Variants in BRINP3 observed in about 807,000 individuals in gnomAD.
The protein encoded by BRINP3 is BMP/retinoic acid-inducible neural-specific protein 3.
Under a neutral mutation model 71.0 loss-of-function variants are expected in BRINP3, and 19 were observed. The ratio of observed to expected loss-of-function variants is 0.27; its 90% CI spans 0.19 to 0.39. The LOEUF is 0.39. Ranked by LOEUF, BRINP3 falls within the 10% of genes least tolerant of loss-of-function variation. BRINP3 has a pLI of 1.00. For synonymous variants in BRINP3, 380 were observed against 337.7 expected (o/e 1.13, Z -1.37); for missense variants, 959 against 940.8 (o/e 1.02, Z -0.25).
chr1:190,358,652 C>G (rs1019303915), intron 2 of BRINP3, among the ~76,000 whole-genome samples: 3 of 152,054 alleles, frequency 2.0e-5, no homozygotes, highest in Admixed American at 1.3e-4. Flanking sequence ...CCCAGCCATC[C>G]CATTACTAGG....
rs367902400 is a variant in BRINP3, at chr1:190,226,184, G to A, written c.859C>T (p.Pro287Ser). 1 of 1,612,490 alleles carries A rather than the reference G, an allele frequency of 6.2e-7. No individual in the cohort carries two copies. The highest frequency in any genetic ancestry group is 1.3e-5 in the African/African-American group (1 of 74,770). ...TCCATGGAGGGGCAGTTGCATTCTG[G>A]AAATTTGGGACCACAGTGACACCAG... ...DCWCHCGPKF[P>S]ECNCPSMDIQ... The change falls in exon 6 of 8, where the codon CCA (proline) becomes TCA (serine). Residue 287 changes from proline to serine, a missense_variant. Pro to Ser is a moderately conservative substitution (Grantham distance 74). Transcript: ENST00000367462.
At position 190,098,249 on chromosome 1, in the gene BRINP3, G is replaced by A. The variant is rs752871206; in HGVS notation, c.2070C>T (p.Pro690=). The change falls in exon 8 of 8, where the codon CCC becomes CCT. Residue 690 remains proline, a synonymous_variant. Transcript: ENST00000367462. ...CTGAATCCTGGGATCCCTGAGTATA[G>A]GGGTAGTCCAGCTGCAAAATCAGGT... ...IRDLILQLDY[P]YTQGSQDSAL... is the part of the protein sequence containing the mutation. 27 of 1,614,204 alleles carry A rather than the reference G, an allele frequency of 1.7e-5. No homozygotes were observed. The highest frequency in any genetic ancestry group is 2.2e-5 in the Non-Finnish European group (26 of 1,180,034).
chr1:190,267,921 C>G (rs1275706377), intron 3 of BRINP3, among the ~76,000 whole-genome samples: 3 of 151,786 alleles, frequency 2.0e-5, no homozygotes, highest in Admixed American at 6.6e-5. Flanking sequence ...AAATGTAAAA[C>G]TTCTAAATCT....
chr1:190,118,374 T>G (rs1007406512), intron 7 of BRINP3, among the ~76,000 whole-genome samples: 5 of 152,174 alleles, frequency 3.3e-5, no homozygotes, highest in Non-Finnish European at 7.4e-5. Context: ...ACTTATTGAC[T>G]GGTGCTTATA....
At chr1:190,259,696 T>C (rs1395917759) in intron 4 of BRINP3, among the ~76,000 whole-genome samples, 3 of 151,338 alleles carry the variant, frequency 2.0e-5, no homozygotes, top group African/African-American at 7.3e-5. Context: ...GGACAAGAAG[T>C]ACAATTGTCT....
chr1:190,284,410 G>A (rs1178314452), intron 2 of BRINP3, among the ~76,000 whole-genome samples: 1 of 151,858 alleles, frequency 6.6e-6, no homozygotes, highest in African/African-American at 2.4e-5. Flanking sequence ...CTATGACCTC[G>A]AGGGCTCAAA....
chr1:190,305,444 A>T (rs928477657), intron 2 of BRINP3, among the ~76,000 whole-genome samples: 5 of 151,840 alleles, frequency 3.3e-5, no homozygotes, highest in Non-Finnish European at 5.9e-5. Flanking sequence ...TGTCATTTGC[A>T]ACAATATGAA....
chr1:190,376,527 C>G (rs1302521824), intron 2 of BRINP3, among the ~76,000 whole-genome samples: 1 of 151,960 alleles, frequency 6.6e-6, no homozygotes, highest in East Asian at 1.9e-4. Flanking sequence ...TTGTTTTATT[C>G]TCATAAAAAT....
At chr1:190,413,576 C>A (rs2102420689) in intron 2 of BRINP3, among the ~76,000 whole-genome samples, 1 of 152,206 alleles carries the variant, frequency 6.6e-6, no homozygotes, top group South Asian at 2.1e-4. Context: ...ATGTGGCCAC[C>A]ATCCATGTAA....
chr1:190,296,793 C>A (rs1200617902), intron 2 of BRINP3, among the ~76,000 whole-genome samples: 1 of 151,904 alleles, frequency 6.6e-6, no homozygotes, highest in Non-Finnish European at 1.5e-5. Context: ...AAGAAAACAA[C>A]CCCATTTGCG....
chr1:190,329,271 C>G (rs1031170740), intron 2 of BRINP3, among the ~76,000 whole-genome samples: 2 of 151,824 alleles, frequency 1.3e-5, no homozygotes, highest in Non-Finnish European at 2.9e-5. Flanking sequence ...AATTCTATAC[C>G]TAGAAAATCC....
At chr1:190,204,208 A>C (rs923904582) in intron 6 of BRINP3, among the ~76,000 whole-genome samples, 11 of 152,042 alleles carry the variant, frequency 7.2e-5, no homozygotes, top group African/African-American at 2.6e-4. Context: ...TAAAATAAAT[A>C]AGACCTGAGC....
chr1:190,464,034 A>G (rs889416621), intron 1 of BRINP3, among the ~76,000 whole-genome samples: 8 of 151,942 alleles, frequency 5.3e-5, no homozygotes, highest in Non-Finnish European at 1.0e-4. Flanking sequence ...GAAATAAACA[A>G]TAATATGTAA....
At chr1:190,302,369 A>G (rs1664799967) in intron 2 of BRINP3, among the ~76,000 whole-genome samples, 1 of 150,588 alleles carries the variant, frequency 6.6e-6, no homozygotes, top group Admixed American at 6.6e-5. Context: ...ATTTAAAAAG[A>G]TAATGTCTAT....
chr1:190,331,958 GGTT>G (rs764247091), intron 2 of BRINP3, among the ~76,000 whole-genome samples: 14 of 151,878 alleles, frequency 9.2e-5, no homozygotes, highest in South Asian at 6.2e-4. Flanking sequence ...TTCTTAATAT[GGTT>G]GTTATTATTA....
chr1:190,310,864 A>G (rs1216089387), intron 2 of BRINP3, among the ~76,000 whole-genome samples: 1 of 151,772 alleles, frequency 6.6e-6, no homozygotes, highest in Non-Finnish European at 1.5e-5. Context: ...AAATTAAATT[A>G]ATAGATTAGC....
chr1:190,230,289 G>A (rs888257901), intron 5 of BRINP3, among the ~76,000 whole-genome samples: 2 of 151,770 alleles, frequency 1.3e-5, no homozygotes, highest in Non-Finnish European at 2.9e-5. Context: ...GATGAGGAAC[G>A]TAAAAAATTG....
rs1260984720 is a variant in BRINP3 at position 190,283,852 on chromosome 1, T to C, written c.237-2102A>G. Among the ~76,000 whole-genome samples, 4 of 151,826 alleles carry C rather than the reference T, an allele frequency of 2.6e-5. No homozygotes were observed. In the East Asian group the frequency reaches 7.7e-4, roughly 29 times the overall value. Reference sequence around the variant, plus strand: ...TAGGCTTATGCTCAAACATTTAATTTTTTAACTCCTGAAAAATGCTTGTAA... The same window carrying C: ...TAGGCTTATGCTCAAACATTTAATTCTTTAACTCCTGAAAAATGCTTGTAA... On this transcript the variant is annotated intron_variant, in intron 2 of 7. Coordinates refer to ENST00000367462, the MANE Select transcript of BRINP3 (RefSeq NM_199051.3).
intron 6 of BRINP3, among the ~76,000 whole-genome samples, chr1:190,188,202 T>C (rs975502492): frequency 2.6e-5 from 4 of 152,174 alleles, no homozygotes; most frequent in Non-Finnish European, 4.4e-5. Context: ...GCTACTGATT[T>C]CTGAAGGTTG....
Sources: gnomAD v4.1 joint callset for allele counts (sites outside exome capture counted in the v4.1 genomes callset) on GRCh38, gnomAD v4.1.1 for gene constraint, MANE v1.5 for transcripts, NCBI Gene and HGNC (gene_info 2026-07-23, HGNC 2026-07-21) for gene names.